Variants in PDE1C observed in about 807,000 individuals in gnomAD.
PDE1C encodes the protein dual specificity calcium/calmodulin-dependent 3',5'-cyclic nucleotide phosphodiesterase 1C.
In PDE1C, 62 loss-of-function variants were observed where a neutral mutation model predicts 93.1. That is an observed-to-expected ratio of 0.67 (90% CI 0.54 to 0.82). The LOEUF (loss-of-function observed/expected upper bound fraction) is 0.82. PDE1C is among the 40% of genes least tolerant of loss of function. The pLI is 0.00. For synonymous variants in PDE1C, 325 were observed against 310.1 expected (o/e 1.05, Z -0.50); for missense variants, 742 against 884.6 (o/e 0.84, Z 2.04).
intron 2 of PDE1C, among the ~76,000 whole-genome samples, chr7:32,046,290 G>A (rs1216444758): frequency 6.6e-6 from 1 of 151,370 alleles, no homozygotes; most frequent in East Asian, 1.9e-4. Flanking sequence ...AAAACAAGAA[G>A]GAAAGATTCT....
At chr7:32,385,856 T>C (rs191954) in intron 1 of PDE1C, among the ~76,000 whole-genome samples, 111,262 of 151,942 alleles carry the variant, frequency 0.73, 43,324 homozygotes, top group East Asian at 0.96. Context: ...AGGCTAATTA[T>C]AGAAATAGAG....
chr7:32,121,558 G>T (rs932049058), intron 3 of PDE1C, among the ~76,000 whole-genome samples: 1 of 152,118 alleles, frequency 6.6e-6, no homozygotes, highest in Non-Finnish European at 1.5e-5. Context: ...AAGCAAGCCA[G>T]AAAAAATTGG....
intron 2 of PDE1C, among the ~76,000 whole-genome samples, chr7:31,942,057 T>A (rs1328695113): frequency 2.0e-5 from 3 of 152,170 alleles, no homozygotes; most frequent in Non-Finnish European, 2.9e-5. Flanking sequence ...CACATGAATA[T>A]ATGGAGGAAG....
intron 3 of PDE1C, among the ~76,000 whole-genome samples, chr7:32,148,565 A>G (rs1435029646): frequency 6.6e-6 from 1 of 152,156 alleles, no homozygotes; most frequent in Admixed American, 6.6e-5. Context: ...TTAGCTTCTA[A>G]ACTTATATAT....
chr7:32,074,112 C>T (rs1390376193), upstream of PDE1C, among the ~76,000 whole-genome samples: 1 of 152,180 alleles, frequency 6.6e-6, no homozygotes, highest in Non-Finnish European at 1.5e-5. Context: ...GTAACTAAGT[C>T]TATGGACTAG....
In PDE1C at chr7:32,000,369, A is replaced by C. The variant is rs184174509; in HGVS notation, c.128+51185T>G. Among the ~76,000 whole-genome samples the C allele has an allele frequency of 4.5e-4, 69 of 152,292 alleles. 1 individual carries two copies. The East Asian group carries it at 0.01, about 23-fold the overall frequency. ...CTATCACTGCTATATTCCTGATGCT[A>C]TAAGAGGGAAACAAGATGGTTGGGG... On this transcript the variant is annotated intron_variant, in intron 2 of 17. Transcript: ENST00000396191.
In PDE1C at chr7:32,066,082, A is replaced by G. The variant is rs575455826; in HGVS notation, c.101+4211T>C. 2.4e-4 allele frequency among the ~76,000 whole-genome samples: 37 copies of G among 152,328 alleles called. No individual in the cohort carries two copies. The South Asian group carries it at 7.5e-3, about 31-fold the overall frequency. ...GGGAAATGGATCCAATGGCAGCCCC[A>G]TGAAAGTCCAGAAGAAAAGCAAAGC... On this transcript the variant is annotated intron_variant, in intron 1 of 17. Transcript: ENST00000396191.
chr7:32,013,094 G>A (rs528559728), intron 2 of PDE1C, among the ~76,000 whole-genome samples: 19 of 152,310 alleles, frequency 1.2e-4, no homozygotes, highest in Admixed American at 4.6e-4. Context: ...GAAAAGCTGA[G>A]TCTTCCCCAC....
chr7:31,764,278 G>A (rs1462163129), intron 17 of PDE1C, among the ~76,000 whole-genome samples: 4 of 152,086 alleles, frequency 2.6e-5, no homozygotes, highest in Non-Finnish European at 5.9e-5. Flanking sequence ...TGTAGTAGCC[G>A]GGATTACAGG....
intron 2 of PDE1C, among the ~76,000 whole-genome samples, chr7:31,978,691 A>G (rs1013206089): frequency 6.6e-6 from 1 of 152,182 alleles, no homozygotes; most frequent in African/African-American, 2.4e-5. Flanking sequence ...TTTTTTAACC[A>G]TTAACCTGAT....
At chr7:31,912,805 T>G (rs1309970706) in intron 2 of PDE1C, among the ~76,000 whole-genome samples, 1 of 152,110 alleles carries the variant, frequency 6.6e-6, no homozygotes, top group Non-Finnish European at 1.5e-5. Context: ...GACAACAGAG[T>G]TAGCTGGCTA....
intron 3 of PDE1C, among the ~76,000 whole-genome samples, chr7:32,077,212 C>T (rs1796406711): frequency 6.6e-6 from 1 of 152,158 alleles, no homozygotes; most frequent in South Asian, 2.1e-4. Flanking sequence ...TGCACTCCAG[C>T]CTGGGCAGCA....
In PDE1C at chr7:32,329,413, G is replaced by T. The variant is rs535576398; in HGVS notation, c.310+98409C>A. ...GATAGACCCTGTGTACTCTTCAACA[G>T]AGACCACCTCGGAGCTCCCTCTCAA... On this transcript the variant is annotated intron_variant, in intron 1 of 1. Coordinates refer to the PDE1C transcript ENST00000672256. Among the ~76,000 whole-genome samples, 157 of 152,228 alleles carry T rather than the reference G, an allele frequency of 1.0e-3. 1 individual carries two copies. The highest frequency in any genetic ancestry group is 3.1e-3 in the South Asian group (15 of 4,812).
chr7:31,932,724 C>T (rs1040286833), intron 2 of PDE1C, among the ~76,000 whole-genome samples: 2 of 152,028 alleles, frequency 1.3e-5, no homozygotes, highest in Admixed American at 6.6e-5. Flanking sequence ...GGTATATGCC[C>T]AAAGGATTAT....
At chr7:32,250,752 C>A (rs1355263991) in intron 1 of PDE1C, among the ~76,000 whole-genome samples, 1 of 152,186 alleles carries the variant, frequency 6.6e-6, no homozygotes, top group African/African-American at 2.4e-5. Flanking sequence ...CAGAGTAAAG[C>A]CTTTCAAACT....
the PDE1C span, chr7:31,642,237 G>A: frequency 3.2e-5 from 50 of 1,553,766 alleles, 1 homozygote; most frequent in Admixed American, 3.3e-4. Context: ...TGGAGGAGCC[G>A]CTGGAACCGC....
At chr7:31,663,467 C>T in the PDE1C span, among the ~76,000 whole-genome samples, 446 of 152,310 alleles carry the variant, frequency 2.9e-3, 2 homozygotes, top group African/African-American at 9.9e-3. Context: ...CTGTTAACAG[C>T]TTTTGCACAG....
At chr7:31,789,523 G>T in intron 16 of PDE1C, 1 of 447,218 alleles carries the variant, frequency 2.2e-6, no homozygotes, top group Non-Finnish European at 3.0e-6. Context: ...CAACAGTACA[G>T]TCACCAGCTG....
At chr7:31,653,288 T>C in the PDE1C span, 3 of 161,512 alleles carry the variant, frequency 1.9e-5, no homozygotes, top group South Asian at 3.4e-4. Flanking sequence ...TGTGGGTACA[T>C]AGGAGGCAAA....
Sources: gnomAD v4.1 joint callset for allele counts (sites outside exome capture counted in the v4.1 genomes callset) on GRCh38, gnomAD v4.1.1 for gene constraint, MANE v1.5 for transcripts, NCBI Gene and HGNC (gene_info 2026-07-23, HGNC 2026-07-21) for gene names.